The following LDLRAD3 variants were observed in gnomAD, a reference collection of about 807,000 sequenced individuals.
LDLRAD3 encodes the protein low density lipoprotein receptor class A domain containing 3.
In LDLRAD3, 20 loss-of-function variants were observed where a neutral mutation model predicts 29.4. That is an observed-to-expected ratio of 0.68 (90% CI 0.48 to 0.99). The LOEUF (loss-of-function observed/expected upper bound fraction) is 0.99, where lower values mean the gene tolerates loss of function less well. LDLRAD3 is among the 50% of genes least tolerant of loss of function. The probability of loss-of-function intolerance (pLI) is 0.00; values close to 1 mark genes in which losing one functional copy is unlikely to be tolerated. For missense variants in LDLRAD3, 420 were observed against 454.3 expected, an observed-to-expected ratio of 0.92 and a Z score of 0.69; for synonymous variants, 157 against 192.7, an observed-to-expected ratio of 0.81 and a Z score of 1.53.
chr11:35,968,124 G>T, intron 1 of LDLRAD3: 1 of 443,630 alleles, frequency 2.3e-6, no homozygotes, highest in Non-Finnish European at 4.4e-6. Flanking sequence ...TGTCTCAGCA[G>T]GCAGCCCTTG....
chr11:36,146,021 A>AAAAAT (rs1854188219), intron 4 of LDLRAD3, among the ~76,000 whole-genome samples: 1 of 149,222 alleles, frequency 6.7e-6, no homozygotes, highest in African/African-American at 2.4e-5. Flanking sequence ...GAAAAAAAAA[A>AAAAAT]GTGTTGGAGG....
At position 36,183,114 on chromosome 11, in the gene LDLRAD3, G is replaced by A. The variant is rs1027861867; in HGVS notation, c.455-43971G>A. Among the ~76,000 whole-genome samples, 4 of 152,200 alleles carry A rather than the reference G, an allele frequency of 2.6e-5. No individual in the cohort carries two copies. The South Asian group carries it at 8.3e-4, about 31-fold the overall frequency. The stretch of plus-strand genomic sequence containing the variant: ...TACAGGGTCCCAGGCACTGTAGATG[G>A]TGGGACGTAGACGGTGGGATGGTGG... On this transcript the variant is annotated intron_variant, in intron 4 of 5. Transcript: ENST00000315571.
At chr11:35,950,278 T>C (rs977744063) in intron 1 of LDLRAD3, among the ~76,000 whole-genome samples, 1 of 152,146 alleles carries the variant, frequency 6.6e-6, no homozygotes, top group East Asian at 1.9e-4. Flanking sequence ...CAGGCAAACA[T>C]GGGTACTGCG....
At chr11:36,131,746 T>G (rs1365412360) in intron 4 of LDLRAD3, among the ~76,000 whole-genome samples, 1 of 152,232 alleles carries the variant, frequency 6.6e-6, no homozygotes, top group Non-Finnish European at 1.5e-5. Context: ...CATGTAATAT[T>G]GCTTCCTTGA....
chr11:35,991,600 T>G (rs891079277), intron 1 of LDLRAD3, among the ~76,000 whole-genome samples: 1 of 152,222 alleles, frequency 6.6e-6, no homozygotes, highest in Non-Finnish European at 1.5e-5. Context: ...GGCGACAGCT[T>G]CTTCCAACAA....
At chr11:36,006,983 G>A (rs1185366796) in intron 1 of LDLRAD3, among the ~76,000 whole-genome samples, 1 of 152,142 alleles carries the variant, frequency 6.6e-6, no homozygotes, top group Non-Finnish European at 1.5e-5. Flanking sequence ...TCCCATATTT[G>A]TGCCTTGACC....
intron 1 of LDLRAD3, among the ~76,000 whole-genome samples, chr11:36,030,868 A>T (rs1056731212): frequency 2.0e-5 from 3 of 152,224 alleles, no homozygotes; most frequent in Non-Finnish European, 4.4e-5. Context: ...TCCAGCTGGT[A>T]GGATGGAATT....
chr11:36,160,408 T>C (rs1256182439), intron 4 of LDLRAD3, among the ~76,000 whole-genome samples: 1 of 152,104 alleles, frequency 6.6e-6, no homozygotes, highest in African/African-American at 2.4e-5. Flanking sequence ...TTGCACCAAA[T>C]CCTCCTTGAA....
intron 1 of LDLRAD3, among the ~76,000 whole-genome samples, chr11:35,978,623 C>T (rs1360801266): frequency 1.3e-5 from 2 of 152,180 alleles, no homozygotes; most frequent in African/African-American, 2.4e-5. Flanking sequence ...AAAGGATTCG[C>T]TGTTTTCTTA....
intron 1 of LDLRAD3, among the ~76,000 whole-genome samples, chr11:35,961,158 C>T (rs796459951): frequency 4.8e-4 from 73 of 152,320 alleles, no homozygotes; most frequent in African/African-American, 1.7e-3. Context: ...CTGGTGCCCC[C>T]GTGGCTCAGC....
intron 4 of LDLRAD3, among the ~76,000 whole-genome samples, chr11:36,141,104 G>A (rs1190756240): frequency 6.6e-6 from 1 of 151,066 alleles, no homozygotes; most frequent in Non-Finnish European, 1.5e-5. Flanking sequence ...GATATGCGTG[G>A]TACTAGCCCT....
chr11:36,012,496 C>G (rs1851968796), intron 1 of LDLRAD3, among the ~76,000 whole-genome samples: 1 of 152,146 alleles, frequency 6.6e-6, no homozygotes, highest in African/African-American at 2.4e-5. Flanking sequence ...CATCACTCTT[C>G]TTGTGCTTTG....
chr11:36,174,159 A>G (rs1316975026), intron 4 of LDLRAD3, among the ~76,000 whole-genome samples: 1 of 152,230 alleles, frequency 6.6e-6, no homozygotes, highest in Admixed American at 6.5e-5. Flanking sequence ...CTGGGTAGCC[A>G]TATGGAGAAA....
At chr11:36,053,582 G>A (rs958546159) in intron 2 of LDLRAD3, among the ~76,000 whole-genome samples, 1 of 152,170 alleles carries the variant, frequency 6.6e-6, no homozygotes, top group Non-Finnish European at 1.5e-5. Context: ...ACAGTGCCTG[G>A]TAGACATCAG....
chr11:36,050,348 C>T lies in LDLRAD3; in HGVS notation c.193+14099C>T, dbSNP rs546511314. On this transcript the variant is annotated intron_variant, in intron 2 of 5. Coordinates refer to ENST00000315571, the MANE Select transcript of LDLRAD3 (RefSeq NM_174902.4). ...AGACCTTGTCCTGTTGAGCCCTGGG[C>T]AGTGCCTGCTTTTTGATGCTCAGAC... Among the ~76,000 whole-genome samples, 11 of 152,322 alleles carry T rather than the reference C, an allele frequency of 7.2e-5. 1 individual carries two copies. The South Asian group carries it at 2.3e-3, about 32-fold the overall frequency.
intron 4 of LDLRAD3, among the ~76,000 whole-genome samples, chr11:36,111,202 G>C (rs1016548791): frequency 6.6e-6 from 1 of 152,158 alleles, no homozygotes; most frequent in Non-Finnish European, 1.5e-5. Flanking sequence ...ACTGCATGCC[G>C]TGAGAATTCT....
chr11:36,166,074 A>G (rs1019678001), intron 4 of LDLRAD3, among the ~76,000 whole-genome samples: 2 of 151,530 alleles, frequency 1.3e-5, no homozygotes, highest in African/African-American at 4.9e-5. Flanking sequence ...GACAGAGGGA[A>G]ATTGACTGGC....
In LDLRAD3 at chr11:35,966,639, A is replaced by G. The variant is rs548408364; in HGVS notation, c.46+22495A>G. 4.8e-5 allele frequency among the ~76,000 whole-genome samples: 7 copies of G among 145,226 alleles called. No homozygotes were observed. The South Asian group carries it at 1.4e-3, about 29-fold the overall frequency. The stretch of plus-strand genomic sequence containing the variant: ...GAACAGCCATGTCAAGTTTTCCTTG[A>G]ACCTTCTCCATCCAGCGTTTTTGTT... On this transcript the variant is annotated intron_variant, in intron 1 of 5. Coordinates refer to ENST00000315571, the MANE Select transcript of LDLRAD3 (RefSeq NM_174902.4).
At chr11:36,128,865 AAG>A (rs1554966942) in intron 4 of LDLRAD3, among the ~76,000 whole-genome samples, 11 of 146,290 alleles carry the variant, frequency 7.5e-5, no homozygotes, top group African/African-American at 2.7e-4. Flanking sequence ...AAAAAAAAAA[AAG>A]AGAGAAAAGA....
Sources: allele counts gnomAD v4.1 joint callset (sites outside exome capture counted in the v4.1 genomes callset), GRCh38; gene constraint gnomAD v4.1.1; transcripts MANE v1.5; gene names NCBI Gene and HGNC (gene_info 2026-07-23, HGNC 2026-07-21).